Variants in INSL6 observed in about 807,000 individuals in gnomAD.
INSL6 encodes insulin-like peptide INSL6.
A neutral mutation model predicts 9.4 loss-of-function variants in INSL6; 16 were observed. The observed-to-expected ratio is 1.70, with a 90% CI of 1.15 to 2.59. INSL6 has a LOEUF of 2.59. Among genes scored for constraint, INSL6 ranks in the 30% most tolerant of loss-of-function variants. INSL6 has a pLI of 0.00. For missense variants in INSL6, 391 were observed against 257.3 expected (o/e 1.52, Z -3.56); for synonymous variants, 154 against 96.9 (o/e 1.59, Z -3.46).
At chr9:5,166,998 C>A (rs779010940) in intron 1 of INSL6, among the ~76,000 whole-genome samples, 1 of 152,076 alleles carries the variant, frequency 6.6e-6, no homozygotes, top group Non-Finnish European at 1.5e-5. Context: ...TGCTCTGCAG[C>A]TCCCACCGAA....
chr9:5,043,036 G>A, the INSL6 span, among the ~76,000 whole-genome samples: 3 of 152,228 alleles, frequency 2.0e-5, no homozygotes, highest in Admixed American at 1.3e-4. Context: ...GCCCTGCTGT[G>A]TGGAGGCGCG....
the INSL6 span, among the ~76,000 whole-genome samples, chr9:5,034,744 T>G: frequency 1.3e-5 from 2 of 150,562 alleles, no homozygotes; most frequent in African/African-American, 4.9e-5. Flanking sequence ...AAGCAGTGTG[T>G]AGAGGGAAAT....
chr9:5,025,603 G>A, the INSL6 span, among the ~76,000 whole-genome samples: 1 of 147,628 alleles, frequency 6.8e-6, no homozygotes, highest in African/African-American at 2.5e-5. Flanking sequence ...GCATGATTAT[G>A]GCACACTGCC....
chr9:5,175,008 C>T (rs1386560695), intron 1 of INSL6, among the ~76,000 whole-genome samples: 1 of 151,328 alleles, frequency 6.6e-6, no homozygotes, highest in African/African-American at 2.4e-5. Context: ...GGCGTTATCT[C>T]GGCTCACTGC....
chr9:5,082,943 G>A, the INSL6 span, among the ~76,000 whole-genome samples: 1 of 152,186 alleles, frequency 6.6e-6, no homozygotes, highest in Non-Finnish European at 1.5e-5. Context: ...AATTTCTTAT[G>A]TCTTCCTTTT....
intron 2 of INSL6, among the ~76,000 whole-genome samples, chr9:5,155,997 A>G (rs375258969): frequency 3.9e-5 from 6 of 152,204 alleles, no homozygotes; most frequent in African/African-American, 9.6e-5. Context: ...AAAACCACAC[A>G]TTATCAAAAT....
At chr9:5,185,175 CTG>C (rs1825540152) in intron 1 of INSL6, 137 bp downstream of exon 1, 2 of 1,050,920 alleles carry the variant, frequency 1.9e-6, no homozygotes, top group Admixed American at 2.2e-5. Flanking sequence ...TTTCAATACA[CTG>C]TTTTTTACAA....
intron 2 of INSL6, among the ~76,000 whole-genome samples, chr9:5,140,616 T>TC (rs1236894953): frequency 2.6e-5 from 4 of 152,088 alleles, no homozygotes; most frequent in African/African-American, 4.8e-5. Context: ...TTTCCAACTT[T>TC]CTCCATTTCC....
the INSL6 span, among the ~76,000 whole-genome samples, chr9:5,010,440 C>T: frequency 6.6e-3 from 1,002 of 152,208 alleles, 9 homozygotes; most frequent in African/African-American, 0.022. Context: ...CCTGCCTCAG[C>T]CTCCCGTGTA....
the INSL6 span, among the ~76,000 whole-genome samples, chr9:5,115,060 T>C: frequency 1.3e-5 from 2 of 152,088 alleles, no homozygotes; most frequent in East Asian, 1.9e-4. Flanking sequence ...AAAGCCAAAA[T>C]AGACAGATGG....
At chr9:5,071,065 C>G in the INSL6 span, among the ~76,000 whole-genome samples, 1 of 152,260 alleles carries the variant, frequency 6.6e-6, no homozygotes, top group African/African-American at 2.4e-5. Context: ...GAAAAGGAGT[C>G]TCTCCTAAGA....
chr9:5,117,051 C>T, the INSL6 span, among the ~76,000 whole-genome samples: 2 of 152,292 alleles, frequency 1.3e-5, no homozygotes, highest in Middle Eastern at 6.8e-3. Context: ...CTCCTCTTGC[C>T]TTTCCACTTT....
the INSL6 span, among the ~76,000 whole-genome samples, chr9:5,092,055 T>C: frequency 4.6e-5 from 7 of 152,198 alleles, no homozygotes; most frequent in Admixed American, 2.6e-4. Flanking sequence ...ACAATCAGAA[T>C]TGTAAAACAA....
chr9:5,181,247 A>G (rs1433372118), intron 1 of INSL6, among the ~76,000 whole-genome samples: 1 of 152,220 alleles, frequency 6.6e-6, no homozygotes, highest in East Asian at 1.9e-4. Context: ...TCCTAAGGGA[A>G]AAAATAAACA....
At chr9:5,000,367 C>T in the INSL6 span, among the ~76,000 whole-genome samples, 1 of 151,860 alleles carries the variant, frequency 6.6e-6, no homozygotes, top group African/African-American at 2.4e-5. Context: ...GTAAGGAGAC[C>T]AGTAAGAAAA....
At chr9:5,126,837 A>C (rs768666832) in intron 3 of INSL6, 1 of 1,175,006 alleles carries the variant, frequency 8.5e-7, no homozygotes, top group East Asian at 2.4e-5. Flanking sequence ...TACAGAACAA[A>C]GTTTTATATT....
intron 1 of INSL6, among the ~76,000 whole-genome samples, chr9:5,185,025 T>C (rs1284811734): frequency 2.6e-5 from 4 of 152,098 alleles, no homozygotes; most frequent in Admixed American, 2.0e-4. Flanking sequence ...TAAGTTGGGC[T>C]TTGAAGGACA....
At chr9:5,018,789 C>A in the INSL6 span, among the ~76,000 whole-genome samples, 1 of 152,194 alleles carries the variant, frequency 6.6e-6, no homozygotes, top group Non-Finnish European at 1.5e-5. Context: ...GGTATAGTAT[C>A]CTTGACTTGC....
chr9:5,066,644 T>C, the INSL6 span: 1 of 1,114,540 alleles, frequency 9.0e-7, no homozygotes, highest in Non-Finnish European at 1.4e-6. Flanking sequence ...TGGTGCTTGA[T>C]ATATTATTCA....
Sources: gnomAD v4.1 joint callset for allele counts (sites outside exome capture counted in the v4.1 genomes callset) on GRCh38, gnomAD v4.1.1 for gene constraint, MANE v1.5 for transcripts, NCBI Gene and HGNC (gene_info 2026-07-23, HGNC 2026-07-21) for gene names.